The following PRAG1 variants were observed in gnomAD, a reference collection of about 807,000 sequenced individuals.
The protein encoded by PRAG1 is inactive tyrosine-protein kinase PRAG1.
In PRAG1, 110 loss-of-function variants were observed where a neutral mutation model predicts 95.6. The ratio of observed to expected loss-of-function variants is 1.15; its 90% CI spans 0.99 to 1.35. The LOEUF is 1.35. Ranked by LOEUF, PRAG1 falls within the 40% of genes most tolerant of loss-of-function variation. The pLI is 0.00. For missense variants in PRAG1, 2,554 were observed against 1,864.7 expected, an observed-to-expected ratio of 1.37 and a Z score of -6.81; for synonymous variants, 1,052 against 819.4, an observed-to-expected ratio of 1.28 and a Z score of -4.85.
At chr8:8,373,164 G>C (rs2945853) in intron 3 of PRAG1, among the ~76,000 whole-genome samples, 7,860 of 152,190 alleles carry the variant, frequency 0.052, 266 homozygotes, top group South Asian at 0.16. Context: ...TCAACTGCTG[G>C]CTGCATTCTC....
chr8:8,373,034 C>A (rs1168904134), intron 3 of PRAG1, among the ~76,000 whole-genome samples: 1 of 152,140 alleles, frequency 6.6e-6, no homozygotes, highest in Non-Finnish European at 1.5e-5. Flanking sequence ...CACAAATGGG[C>A]CCATGTGAAG....
At chr8:8,384,058 C>T (rs1323556758) in intron 1 of PRAG1, among the ~76,000 whole-genome samples, 1 of 152,188 alleles carries the variant, frequency 6.6e-6, no homozygotes, top group African/African-American at 2.4e-5. Flanking sequence ...TGGAGGAAGA[C>T]AGTTTGGAAA....
intron 1 of PRAG1, among the ~76,000 whole-genome samples, 151 bp downstream of exon 1, chr8:8,386,170 G>C (rs1465441745): frequency 6.6e-6 from 1 of 152,114 alleles, no homozygotes; most frequent in Non-Finnish European, 1.5e-5. Flanking sequence ...CGGGGCTCAC[G>C]CGGCCCCGGC....
At chr8:8,361,635 T>C (rs1799850956) in intron 3 of PRAG1, among the ~76,000 whole-genome samples, 1 of 152,154 alleles carries the variant, frequency 6.6e-6, no homozygotes, top group South Asian at 2.1e-4. Flanking sequence ...TGCAGGAAAA[T>C]TGGAGTATTG....
chr8:8,339,750 T>A, intron 3 of PRAG1, 115 bp from the exon 4 acceptor site: 1 of 1,030,058 alleles, frequency 9.7e-7, no homozygotes, highest in Non-Finnish European at 1.4e-6. Flanking sequence ...TCAGCAAGTT[T>A]ATTAAAAGAA....
At chr8:8,324,471 G>C (rs1020312648) in intron 5 of PRAG1, among the ~76,000 whole-genome samples, 1 of 152,132 alleles carries the variant, frequency 6.6e-6, no homozygotes, top group African/African-American at 2.4e-5. Context: ...CTAGCCCTGT[G>C]AGTGAGCTGT....
intron 3 of PRAG1, among the ~76,000 whole-genome samples, chr8:8,371,300 G>A (rs7463415): frequency 0.012 from 1,849 of 151,638 alleles, 33 homozygotes; most frequent in African/African-American, 0.043. Flanking sequence ...TCGCTCTGTC[G>A]CCCAGGCTGG....
In PRAG1 at chr8:8,377,494, C is replaced by T. The variant is rs777493602; in HGVS notation, c.915G>A (p.Pro305=). The T allele has an allele frequency of 1.0e-5, 16 of 1,552,072 alleles. No homozygotes were observed. The South Asian group carries it at 1.4e-4, about 13-fold the overall frequency. The change falls in exon 3 of 6, where the codon CCG becomes CCA. Residue 305 remains proline, a synonymous_variant. Transcript: ENST00000615670. ...GGCTACAGCACTCCTTGGGGAAGCT[C>T]GGGCCCCGCTTCTCCTGCTCTGCGG... ...SGPAEQEKRG[P]SFPKECCSQG...
intron 2 of PRAG1, among the ~76,000 whole-genome samples, chr8:8,378,325 A>T (rs890366260): frequency 6.6e-6 from 1 of 152,124 alleles, no homozygotes; most frequent in African/African-American, 2.4e-5. Context: ...CTACCCATGG[A>T]CTGTAATGCT....
At chr8:8,344,394 C>T (rs762549115) in intron 3 of PRAG1, among the ~76,000 whole-genome samples, 8 of 151,972 alleles carry the variant, frequency 5.3e-5, no homozygotes, top group Non-Finnish European at 1.0e-4. Flanking sequence ...AAATGTGATG[C>T]CATTTGTATA....
At chr8:8,356,852 G>C (rs1367719126) in intron 3 of PRAG1, among the ~76,000 whole-genome samples, 1 of 152,102 alleles carries the variant, frequency 6.6e-6, no homozygotes, top group Non-Finnish European at 1.5e-5. Context: ...TAATGTAATA[G>C]ACTAGAACGT....
intron 3 of PRAG1, among the ~76,000 whole-genome samples, chr8:8,366,956 A>C (rs1800028276): frequency 6.6e-6 from 1 of 152,120 alleles, no homozygotes; most frequent in African/African-American, 2.4e-5. Context: ...TACAGGTATG[A>C]GCCACCGTGC....
chr8:8,368,518 T>C (rs961917871), intron 3 of PRAG1, among the ~76,000 whole-genome samples: 1 of 152,248 alleles, frequency 6.6e-6, no homozygotes, highest in African/African-American at 2.4e-5. Flanking sequence ...GGATATTCTT[T>C]GTAGTTGGTC....
chr8:8,356,850 T>C (rs1563245033), intron 3 of PRAG1, among the ~76,000 whole-genome samples: 2 of 152,150 alleles, frequency 1.3e-5, no homozygotes, highest in Non-Finnish European at 2.9e-5. Flanking sequence ...ACTAATGTAA[T>C]AGACTAGAAC....
At chr8:8,366,363 G>C (rs1166415604) in intron 3 of PRAG1, among the ~76,000 whole-genome samples, 3 of 147,958 alleles carry the variant, frequency 2.0e-5, no homozygotes, top group Non-Finnish European at 4.5e-5. Flanking sequence ...ATCCAGGCTA[G>C]AGTGCAATGG....
chr8:8,340,180 C>T (rs1283639563), intron 3 of PRAG1, among the ~76,000 whole-genome samples: 2 of 152,164 alleles, frequency 1.3e-5, no homozygotes, highest in Admixed American at 6.5e-5. Flanking sequence ...AACCAGACTT[C>T]CAGTGACATG....
At position 8,319,358 on chromosome 8, in the gene PRAG1, AAG is replaced by A. The variant is rs771728342; in HGVS notation, c.3073-58_3073-57del. The A allele has an allele frequency of 6.4e-6, 9 of 1,415,604 alleles. No homozygotes were observed. In the East Asian group the frequency reaches 9.7e-5, roughly 15 times the overall value. 87.7% of individuals were successfully genotyped at this position (1,415,604 alleles called of 1,614,324 possible). A position where few individuals can be genotyped will look rare whatever the true frequency, so the allele number is the denominator to read the frequency against. ...GTGGGGCCCATGGTTCCGCCCAGCAAAGAGTGTGGAAACATTTGAGTATCTAC... is the reference window on the plus strand; with the variant it reads ...GTGGGGCCCATGGTTCCGCCCAGCAAAGTGTGGAAACATTTGAGTATCTAC... On this transcript the variant is annotated intron_variant, in intron 5 of 5. Coordinates refer to ENST00000615670, the MANE Select transcript of PRAG1 (RefSeq NM_001080826.3).
chr8:8,332,270 T>C (rs1002175506), intron 4 of PRAG1, among the ~76,000 whole-genome samples: 7 of 151,898 alleles, frequency 4.6e-5, no homozygotes, highest in African/African-American at 1.7e-4. Flanking sequence ...CAAGTGATTC[T>C]CCTGCATCAG....
intron 1 of PRAG1, among the ~76,000 whole-genome samples, chr8:8,382,299 T>C (rs546437478): frequency 3.9e-5 from 6 of 152,302 alleles, no homozygotes; most frequent in African/African-American, 1.4e-4. Context: ...AAAATAATGT[T>C]TGACCAAGAA....
Sources: gnomAD v4.1 joint callset for allele counts (sites outside exome capture counted in the v4.1 genomes callset) on GRCh38, gnomAD v4.1.1 for gene constraint, MANE v1.5 for transcripts, NCBI Gene and HGNC (gene_info 2026-07-23, HGNC 2026-07-21) for gene names.